The following TRAF3IP1 variants were observed in gnomAD, a reference collection of about 807,000 sequenced individuals.
TRAF3IP1 encodes the protein intraflagellar transport 54.
A neutral mutation model predicts 89.9 loss-of-function variants in TRAF3IP1; 53 were observed. That is an observed-to-expected ratio of 0.59 (90% CI 0.47 to 0.74). The LOEUF (loss-of-function observed/expected upper bound fraction) is 0.74, where lower values mean the gene tolerates loss of function less well. Among genes scored for constraint, TRAF3IP1 ranks in the 30% least tolerant of loss-of-function variants. The pLI is 0.00. For synonymous variants in TRAF3IP1, 311 were observed against 322.1 expected, an observed-to-expected ratio of 0.97 and a Z score of 0.37; for missense variants, 806 against 866.1, an observed-to-expected ratio of 0.93 and a Z score of 0.87.
rs1463833440 is a variant in TRAF3IP1, at chr2:238,400,478, T to G, written c.*1559T>G. 6.6e-6 allele frequency: 1 copy of G among 152,188 alleles called. No homozygotes were observed. The highest frequency in any genetic ancestry group is 1.5e-5 in the Non-Finnish European group (1 of 68,042). The allele number at this position is 152,188 out of a possible 1,614,324, so 9.4% of individuals were successfully genotyped here. A position where few individuals can be genotyped will look rare whatever the true frequency, so the allele number is the denominator to read the frequency against. ...TTCCAAAATAAATTCTGTACTCAGG[T>G]TGTTATATGATTTTCTGAGCTGAAT... On this transcript the variant is annotated 3_prime_UTR_variant, in exon 17 of 17. Transcript: ENST00000373327.
intron 1 of TRAF3IP1, among the ~76,000 whole-genome samples, chr2:238,322,770 A>G (rs940940301): frequency 4.6e-5 from 7 of 151,032 alleles, no homozygotes; most frequent in African/African-American, 1.5e-4. Context: ...CATGTTCCCA[A>G]TTAGGAACGA....
Position 238,343,221 on chromosome 2 carries a change from G to A in TRAF3IP1, c.1160-1276G>A, listed in dbSNP as rs996028808. ...CTGCCTTAGCCTCCCGAGTGGCTGG[G>A]ACTACAGGCATGTGCCACCACACCC... On this transcript the variant is annotated intron_variant, in intron 8 of 16. Coordinates refer to ENST00000373327, the MANE Select transcript of TRAF3IP1 (RefSeq NM_015650.4). Among the ~76,000 whole-genome samples, 8 of 152,108 alleles carry A rather than the reference G, an allele frequency of 5.3e-5. 1 individual carries two copies. Among genetic ancestry groups the A allele is most frequent in the African/African-American group, 1.9e-4 (8 of 41,418 alleles).
chr2:238,342,155 ATT>A (rs143459276), intron 8 of TRAF3IP1, among the ~76,000 whole-genome samples: 1,718 of 151,850 alleles, frequency 0.011, 39 homozygotes, highest in African/African-American at 0.039. Flanking sequence ...GGTTCAGCTA[ATT>A]TTTGTGTTTT....
intron 15 of TRAF3IP1, among the ~76,000 whole-genome samples, chr2:238,396,459 A>G (rs1399125136): frequency 6.6e-6 from 1 of 151,774 alleles, no homozygotes; most frequent in African/African-American, 2.4e-5. Flanking sequence ...CAGCACACCA[A>G]CATGGCACAT....
rs1342024648 is a variant in TRAF3IP1 at position 238,399,828 on chromosome 2, G to A, written c.*909G>A. The A allele has an allele frequency of 1.3e-5, 2 of 151,962 alleles. No homozygotes were observed. Among genetic ancestry groups the A allele is most frequent in the Admixed American group, 6.6e-5 (1 of 15,240 alleles). 9.4% of individuals were successfully genotyped at this position (151,962 alleles called of 1,614,324 possible). A position where few individuals can be genotyped will look rare whatever the true frequency, so the allele number is the denominator to read the frequency against. On this transcript the variant is annotated 3_prime_UTR_variant, in exon 17 of 17. Transcript: ENST00000373327. The stretch of plus-strand genomic sequence containing the variant: ...GACTTAAAAGGATGCACTGATTTAC[G>A]ACGTTTTTTGATGTTAGCCATTTTT...
intron 8 of TRAF3IP1, among the ~76,000 whole-genome samples, chr2:238,343,398 T>C (rs916390874): frequency 3.3e-5 from 5 of 152,116 alleles, no homozygotes; most frequent in African/African-American, 1.2e-4. Context: ...CCCTTTTTTT[T>C]TCAGACATGA....
chr2:238,349,479 G>T, intron 12 of TRAF3IP1, 71 bp downstream of exon 12: 1 of 1,453,974 alleles, frequency 6.9e-7, no homozygotes. Context: ...CCTCCGCTAA[G>T]AGAAGGGGGA....
chr2:238,325,952 A>G lies in TRAF3IP1; in HGVS notation c.336A>G (p.Gly112=). Residue 112 remains glycine, a synonymous_variant, in exon 3 of 17, where the codon GGA becomes GGG. Transcript: ENST00000373327. ...ERTNELLQII[G]KCCLNKLSSD... is the part of the protein sequence containing the mutation. Reference sequence around the variant, plus strand: ...CAAACGAGCTGCTCCAGATAATTGGAAAATGCTGTCTCAACAAGGTACTAC... The same window carrying G: ...CAAACGAGCTGCTCCAGATAATTGGGAAATGCTGTCTCAACAAGGTACTAC... 6.2e-7 allele frequency: 1 copy of G among 1,612,898 alleles called. No individual in the cohort carries two copies. The highest frequency in any genetic ancestry group is 1.3e-5 in the African/African-American group (1 of 74,930).
chr2:238,395,118 C>T (rs579527), intron 15 of TRAF3IP1, among the ~76,000 whole-genome samples: 38,521 of 151,938 alleles, frequency 0.25, 5,914 homozygotes, highest in Middle Eastern at 0.45. Context: ...GTAATCCCAG[C>T]GCTTTGGGAG....
In TRAF3IP1 at chr2:238,397,641, G is replaced by C. The variant is rs1215089908; in HGVS notation, c.1872G>C (p.Glu624Asp). The C allele has an allele frequency of 1.2e-6, 2 of 1,612,554 alleles. No individual in the cohort carries two copies. Among genetic ancestry groups the C allele is most frequent in the Non-Finnish European group, 1.7e-6 (2 of 1,179,886 alleles). Residue 624 changes from glutamate (E) to aspartate (D), a missense_variant, in exon 16 of 17, where the codon GAG becomes GAC. By Grantham distance (45) the Glu-to-Asp change is conservative. Transcript: ENST00000373327. ...ATGAGCTGCAGATGTGGCACAGCGAGAACAGGCAGCACGCCGAGGCCCTGC... is the reference window on the plus strand; with the variant it reads ...ATGAGCTGCAGATGTGGCACAGCGACAACAGGCAGCACGCCGAGGCCCTGC... Reference protein sequence around the residue: ...MQNELQMWHSENRQHAEALQQ... With the variant: ...MQNELQMWHSDNRQHAEALQQ...
Position 238,351,866 on chromosome 2 carries a change from T to TGCGC in TRAF3IP1, c.1452-951_1452-948dup, listed in dbSNP as rs964910880. On this transcript the variant is annotated intron_variant, in intron 12 of 16. Transcript: ENST00000373327. The surrounding 1 kb of genome is among the most constrained non-coding windows in gnomAD (Gnocchi z 5.2). ...GTGTGTGTGTGTGTGTGTGTGTGTG[T>TGCGC]GCGCGCGCGCGCGTGTGCGTGCATG... Among the ~76,000 whole-genome samples, 93 of 128,230 alleles carry TGCGC rather than the reference T, an allele frequency of 7.3e-4. 2 individuals carry two copies. The highest frequency in any genetic ancestry group is 2.3e-3 in the South Asian group (9 of 3,976). 84.1% of individuals were successfully genotyped at this position (128,230 alleles called of 152,430 possible). A position where few individuals can be genotyped will look rare whatever the true frequency, so the allele number is the denominator to read the frequency against.
At position 238,379,784 on chromosome 2, in the gene TRAF3IP1, A is replaced by C. The variant is rs1358474895; in HGVS notation, c.1690-17675A>C. On this transcript the variant is annotated intron_variant, in intron 15 of 16. Coordinates refer to ENST00000373327, the MANE Select transcript of TRAF3IP1 (RefSeq NM_015650.4). The surrounding 1 kb of genome is among the most constrained non-coding windows in gnomAD (Gnocchi z 4.0). ...TTTAGAAGGCAAAATGTGTAATAAT[A>C]ACACTGGAGCCAGAATGATAAGGAA... Among the ~76,000 whole-genome samples the C allele has an allele frequency of 6.6e-6, 1 of 152,204 alleles. No individual in the cohort carries two copies. The highest frequency in any genetic ancestry group is 1.5e-5 in the Non-Finnish European group (1 of 68,042).
intron 15 of TRAF3IP1, among the ~76,000 whole-genome samples, chr2:238,363,984 A>G (rs1288655229): frequency 1.3e-5 from 2 of 152,190 alleles, no homozygotes; most frequent in Admixed American, 1.3e-4. Context: ...AATAAAAATA[A>G]AAATGTATCC....
intron 15 of TRAF3IP1, among the ~76,000 whole-genome samples, chr2:238,386,048 A>G (rs923103959): frequency 2.0e-5 from 3 of 152,220 alleles, no homozygotes; most frequent in African/African-American, 7.2e-5. Flanking sequence ...TGCAGACCAG[A>G]TGGTCTTCGG....
At chr2:238,390,071 G>T (rs923832345) in intron 15 of TRAF3IP1, among the ~76,000 whole-genome samples, 1 of 152,192 alleles carries the variant, frequency 6.6e-6, no homozygotes, top group Non-Finnish European at 1.5e-5. Flanking sequence ...CTGCCAGAAG[G>T]CAGCTGAGTA....
chr2:238,367,020 C>T (rs186557505), intron 15 of TRAF3IP1, among the ~76,000 whole-genome samples: 27 of 151,602 alleles, frequency 1.8e-4, no homozygotes, highest in African/African-American at 5.1e-4. Context: ...AAAAATTAGC[C>T]GGGCGTGGTG....
chr2:238,324,889 A>C (rs925311150), intron 1 of TRAF3IP1, among the ~76,000 whole-genome samples: 2 of 152,200 alleles, frequency 1.3e-5, no homozygotes, highest in Admixed American at 1.3e-4. Context: ...GGTGTGAGCC[A>C]CCACACCCAG....
intron 15 of TRAF3IP1, among the ~76,000 whole-genome samples, chr2:238,380,213 T>C (rs1343893579): frequency 6.6e-6 from 1 of 152,080 alleles, no homozygotes; most frequent in Non-Finnish European, 1.5e-5. Context: ...GGGTGTAAAA[T>C]TGCTCCCCAG....
At chr2:238,331,402 G>C (rs1249085548) in intron 5 of TRAF3IP1, among the ~76,000 whole-genome samples, 1 of 152,130 alleles carries the variant, frequency 6.6e-6, no homozygotes, top group East Asian at 1.9e-4. Flanking sequence ...GTTTGAACTC[G>C]GGAGGCGGAG....
Sources: allele counts gnomAD v4.1 joint callset (sites outside exome capture counted in the v4.1 genomes callset), GRCh38; gene constraint gnomAD v4.1.1; non-coding constraint Gnocchi (gnomAD v3.1); transcripts MANE v1.5; gene names NCBI Gene and HGNC (gene_info 2026-07-23, HGNC 2026-07-21).